The following MAGI1 variants were observed in gnomAD, a reference collection of about 807,000 sequenced individuals.
MAGI1 encodes membrane-associated guanylate kinase, WW and PDZ domain-containing protein 1.
A neutral mutation model predicts 139.9 loss-of-function variants in MAGI1; 58 were observed. The ratio of observed to expected loss-of-function variants is 0.41; its 90% CI spans 0.34 to 0.52. The LOEUF is 0.52. Among genes scored for constraint, MAGI1 ranks in the 20% least tolerant of loss-of-function variants. The pLI, the probability that MAGI1 is intolerant of heterozygous loss-of-function variation, is 0.12. For missense variants in MAGI1, 1,874 were observed against 1,901.6 expected, an observed-to-expected ratio of 0.99 and a Z score of 0.27; for synonymous variants, 812 against 737.9, an observed-to-expected ratio of 1.10 and a Z score of -1.63.
chr3:65,515,418 T>C (rs1344492716), intron 2 of MAGI1, among the ~76,000 whole-genome samples: 1 of 151,952 alleles, frequency 6.6e-6, no homozygotes, highest in African/African-American at 2.4e-5. Flanking sequence ...AAATGAAACA[T>C]CTAAGAAAAA....
chr3:65,930,315 CAAAAAAAAAAA>C (rs58258730), intron 1 of MAGI1, among the ~76,000 whole-genome samples: 8 of 87,630 alleles, frequency 9.1e-5, no homozygotes, highest in Non-Finnish European at 1.1e-4. Context: ...GACTCCGTCT[CAAAAAAAAAAA>C]AAAAAAAAAA....
intron 1 of MAGI1, among the ~76,000 whole-genome samples, chr3:65,994,394 A>T (rs1294226328): frequency 6.6e-6 from 1 of 152,120 alleles, no homozygotes; most frequent in Admixed American, 6.5e-5. Context: ...AATACTTTCA[A>T]CTTAGAAATG....
chr3:65,435,230 A>G lies in MAGI1; in HGVS notation c.1363+1925T>C, dbSNP rs149400498. Among the ~76,000 whole-genome samples, 1,476 of 152,264 alleles carry G rather than the reference A, an allele frequency of 9.7e-3. 20 individuals carry two copies. The highest frequency in any genetic ancestry group is 0.032 in the African/African-American group (1,340 of 41,556). Reference sequence around the variant, plus strand: ...TAGTCAATCATTAGATGACTAAAGAAAGAAGGAAGAGATATAAGGAAATAA... The same window carrying G: ...TAGTCAATCATTAGATGACTAAAGAGAGAAGGAAGAGATATAAGGAAATAA... On this transcript the variant is annotated intron_variant, in intron 10 of 22. Coordinates refer to ENST00000402939, the MANE Select transcript of MAGI1 (RefSeq NM_001033057.2).
intron 1 of MAGI1, among the ~76,000 whole-genome samples, chr3:65,784,114 C>T (rs2039177577): frequency 6.9e-6 from 1 of 144,396 alleles, no homozygotes; most frequent in Non-Finnish European, 1.5e-5. Flanking sequence ...CAGAGTGAGA[C>T]TCCATCTCAA....
At chr3:65,374,146 AAT>A (rs1393354215) in intron 18 of MAGI1, among the ~76,000 whole-genome samples, 1 of 152,076 alleles carries the variant, frequency 6.6e-6, no homozygotes, top group Non-Finnish European at 1.5e-5. Flanking sequence ...TCACTTTTAG[AAT>A]ATATATTTTA....
intron 1 of MAGI1, among the ~76,000 whole-genome samples, chr3:65,903,462 G>A (rs1352287415): frequency 5.9e-5 from 9 of 151,950 alleles, no homozygotes; most frequent in East Asian, 3.9e-4. Context: ...TACTTCCTAG[G>A]GCAGCATAAG....
rs771232770 is a variant in MAGI1, at chr3:65,365,137, A to G, written c.3197-191T>C. The G allele has an allele frequency of 9.3e-6, 7 of 749,758 alleles. No individual in the cohort carries two copies. In the South Asian group the frequency reaches 9.6e-5, roughly 10 times the overall value. The allele number at this position is 749,758 out of a possible 1,614,324, so 46.4% of individuals were successfully genotyped here. ...TTTAAGATCTTCTCTGATGTGGGTCATGTATGTCCCCATGACCCTCCTCCC... is the reference window on the plus strand; with the variant it reads ...TTTAAGATCTTCTCTGATGTGGGTCGTGTATGTCCCCATGACCCTCCTCCC... On this transcript the variant is annotated intron_variant, in intron 18 of 22. Coordinates refer to ENST00000402939, the MANE Select transcript of MAGI1 (RefSeq NM_001033057.2).
rs1940151307 is a variant in MAGI1, at chr3:65,355,282, G to C, written c.*1096C>G. On this transcript the variant is annotated 3_prime_UTR_variant, in exon 23 of 23. Coordinates refer to ENST00000402939, the MANE Select transcript of MAGI1 (RefSeq NM_001033057.2). ...TTCCTTTCCCTTCTACCAACCTAGA[G>C]ACTTGGACTATGGTTTCAAAGTGAA... The C allele has an allele frequency of 6.6e-6, 1 of 152,162 alleles. No individual in the cohort carries two copies. Among genetic ancestry groups the C allele is most frequent in the Non-Finnish European group, 1.5e-5 (1 of 68,062 alleles). The allele number at this position is 152,162 out of a possible 1,614,324, so 9.4% of individuals were successfully genotyped here.
At chr3:65,868,751 C>A (rs2059815539) in intron 1 of MAGI1, among the ~76,000 whole-genome samples, 1 of 152,156 alleles carries the variant, frequency 6.6e-6, no homozygotes. Flanking sequence ...CCCAGCTCAG[C>A]AAAGACTTGT....
intron 1 of MAGI1, among the ~76,000 whole-genome samples, chr3:65,730,428 C>T (rs567481619): frequency 5.4e-4 from 82 of 152,274 alleles, no homozygotes; most frequent in African/African-American, 1.8e-3. Flanking sequence ...GAGACAGGGG[C>T]GAAATGACTA....
chr3:65,878,040 G>A (rs2060182217), intron 1 of MAGI1, among the ~76,000 whole-genome samples: 1 of 151,938 alleles, frequency 6.6e-6, no homozygotes, highest in South Asian at 2.1e-4. Flanking sequence ...GTGCCGAGGA[G>A]TTGGAAACTG....
intron 2 of MAGI1, among the ~76,000 whole-genome samples, chr3:65,527,321 T>G (rs1403556157): frequency 2.6e-5 from 4 of 152,250 alleles, no homozygotes; most frequent in African/African-American, 9.6e-5. Flanking sequence ...GGCTCATGCC[T>G]ATAATCCCAG....
At chr3:65,788,678 C>T (rs562057415) in intron 1 of MAGI1, among the ~76,000 whole-genome samples, 8 of 152,272 alleles carry the variant, frequency 5.3e-5, no homozygotes, top group African/African-American at 1.9e-4. Flanking sequence ...TATTGTGACC[C>T]ACACCAAACT....
chr3:65,689,980 C>T (rs143108081), intron 1 of MAGI1, among the ~76,000 whole-genome samples: 1 of 152,140 alleles, frequency 6.6e-6, no homozygotes, highest in South Asian at 2.1e-4. Context: ...TCCCGTGCCC[C>T]TTCCCCGGCT....
At chr3:65,876,170 A>G (rs2108506559) in intron 1 of MAGI1, among the ~76,000 whole-genome samples, 1 of 152,220 alleles carries the variant, frequency 6.6e-6, no homozygotes, top group African/African-American at 2.4e-5. Context: ...ATAAAAAAGC[A>G]ATACAGCTGG....
intron 1 of MAGI1, among the ~76,000 whole-genome samples, chr3:65,888,644 A>T (rs114531605): frequency 6.6e-6 from 1 of 152,232 alleles, no homozygotes; most frequent in African/African-American, 2.4e-5. Flanking sequence ...ACACAAGTAC[A>T]TACACATTTA....
At chr3:65,368,815 G>A (rs1039263126) in intron 18 of MAGI1, among the ~76,000 whole-genome samples, 9 of 152,166 alleles carry the variant, frequency 5.9e-5, no homozygotes, top group African/African-American at 1.9e-4. Context: ...TTGAATCAGA[G>A]TGATCTGAAG....
intron 1 of MAGI1, among the ~76,000 whole-genome samples, chr3:65,720,523 T>A (rs765834817): frequency 3.3e-5 from 5 of 152,086 alleles, no homozygotes; most frequent in Non-Finnish European, 5.9e-5. Context: ...ATCCTTGACT[T>A]AGCCCATCTT....
rs747572076 is a variant in MAGI1 at position 65,448,023 on chromosome 3, T to C, written c.1077A>G (p.Leu359=). ...CAGCAGCAGGCAGGGAGGGTTTACC[T>C]AGTTCACTGTCCAGCTCCTCGGTGT... ...GVHTEELDSE[L]ELPAGWEKIE... is the part of the protein sequence containing the mutation. Residue 359 remains leucine (L), a splice_region_variant and synonymous_variant, in exon 7 of 23, where the codon CTA becomes CTG. Transcript: ENST00000402939. The C allele has an allele frequency of 8.7e-6, 14 of 1,614,068 alleles. No homozygotes were observed. Among genetic ancestry groups the C allele is most frequent in the Middle Eastern group, 1.7e-4 (1 of 6,060 alleles).
Sources: gnomAD v4.1 joint callset for allele counts (sites outside exome capture counted in the v4.1 genomes callset) on GRCh38, gnomAD v4.1.1 for gene constraint, MANE v1.5 for transcripts, NCBI Gene and HGNC (gene_info 2026-07-23, HGNC 2026-07-21) for gene names.